LRMDA: variants seen among roughly 807,000 people sequenced by gnomAD.
LRMDA encodes leucine-rich melanocyte differentiation-associated protein.
A neutral mutation model predicts 29.8 loss-of-function variants in LRMDA; 18 were observed. That is an observed-to-expected ratio of 0.60 (90% CI 0.42 to 0.90). The LOEUF is 0.90. LRMDA is among the 40% of genes least tolerant of loss of function. LRMDA has a pLI of 0.00. For missense variants in LRMDA, 273 were observed against 273.9 expected, an observed-to-expected ratio of 1.00 and a Z score of 0.02; for synonymous variants, 125 against 109.4, an observed-to-expected ratio of 1.14 and a Z score of -0.89.
chr10:75,739,525 G>A (rs2132207798), intron 2 of LRMDA, among the ~76,000 whole-genome samples: 1 of 152,292 alleles, frequency 6.6e-6, no homozygotes. Flanking sequence ...CGGAGAGAAT[G>A]GCTACAGCTG....
chr10:76,307,373 G>A (rs1840570444), intron 5 of LRMDA, among the ~76,000 whole-genome samples: 1 of 152,190 alleles, frequency 6.6e-6, no homozygotes, highest in East Asian at 1.9e-4. Context: ...AGATAATGAT[G>A]AGATGTTTTG....
chr10:76,129,188 G>A (rs1296760657), intron 5 of LRMDA, among the ~76,000 whole-genome samples: 1 of 152,064 alleles, frequency 6.6e-6, no homozygotes, highest in Non-Finnish European at 1.5e-5. Context: ...TGAACCCTGG[G>A]CTGCTGGCCC....
intron 5 of LRMDA, chr10:76,270,725 C>T (rs1840058783): frequency 6.6e-6 from 1 of 152,048 alleles, no homozygotes; most frequent in African/African-American, 2.4e-5. Flanking sequence ...CAGCTCAGGG[C>T]AGCATTAAAA....
chr10:76,424,367 A>C (rs775686796), intron 6 of LRMDA, among the ~76,000 whole-genome samples: 15 of 152,180 alleles, frequency 9.9e-5, no homozygotes, highest in Admixed American at 3.3e-4. Context: ...GTCTCTACTA[A>C]AAATACAAAA....
intron 6 of LRMDA, among the ~76,000 whole-genome samples, chr10:76,497,185 T>C (rs12763753): frequency 0.29 from 21,440 of 74,810 alleles, 8,602 homozygotes; most frequent in African/African-American, 0.43. Context: ...CTTCCATGGC[T>C]TTCATCTTTT....
chr10:75,763,093 G>T (rs1158073135), intron 2 of LRMDA, among the ~76,000 whole-genome samples: 3 of 152,008 alleles, frequency 2.0e-5, no homozygotes, highest in Non-Finnish European at 4.4e-5. Flanking sequence ...CAGAGAACAG[G>T]GTGTCTTGGA....
chr10:76,294,677 T>C (rs940743583), intron 5 of LRMDA, among the ~76,000 whole-genome samples: 21 of 152,224 alleles, frequency 1.4e-4, no homozygotes, highest in African/African-American at 4.3e-4. Context: ...GCCTGACACC[T>C]ATCAGACAAA....
intron 6 of LRMDA, among the ~76,000 whole-genome samples, chr10:76,400,920 G>T (rs1841840799): frequency 6.6e-6 from 1 of 152,144 alleles, no homozygotes; most frequent in African/African-American, 2.4e-5. Flanking sequence ...GGGGTTTTGG[G>T]GGAGATTTTG....
At chr10:75,795,321 G>A (rs1192370005) in intron 2 of LRMDA, among the ~76,000 whole-genome samples, 2 of 152,126 alleles carry the variant, frequency 1.3e-5, no homozygotes, top group Non-Finnish European at 2.9e-5. Context: ...TTGAACCTGG[G>A]AGGTGGAGTT....
At chr10:75,995,882 G>A (rs1847453041) in intron 2 of LRMDA, among the ~76,000 whole-genome samples, 1 of 152,144 alleles carries the variant, frequency 6.6e-6, no homozygotes, top group African/African-American at 2.4e-5. Flanking sequence ...GTGTTCAAGA[G>A]TAAACTCTTG....
chr10:76,048,843 G>A (rs1848484542), intron 4 of LRMDA, among the ~76,000 whole-genome samples: 2 of 152,154 alleles, frequency 1.3e-5, no homozygotes, highest in Admixed American at 1.3e-4. Context: ...GGCTTCCAGT[G>A]GGTAGGAGCT....
rs545865722 is a variant in LRMDA at position 76,377,728 on chromosome 10, T to C, written c.601+53243T>C. ...TGTCTGGGTTTTCTGTTCTGTTGCATTGATTGATGTGTCTATTTTTATACC... is the reference window on the plus strand; with the variant it reads ...TGTCTGGGTTTTCTGTTCTGTTGCACTGATTGATGTGTCTATTTTTATACC... On this transcript the variant is annotated intron_variant, in intron 6 of 6. Coordinates refer to ENST00000611255, the MANE Select transcript of LRMDA (RefSeq NM_001305581.2). Among the ~76,000 whole-genome samples the C allele has an allele frequency of 2.6e-4, 40 of 152,346 alleles. 1 individual carries two copies. In the South Asian group the frequency reaches 3.3e-3, roughly 13 times the overall value.
intron 5 of LRMDA, among the ~76,000 whole-genome samples, chr10:76,137,000 T>C (rs952653515): frequency 6.6e-6 from 1 of 152,168 alleles, no homozygotes; most frequent in Non-Finnish European, 1.5e-5. Flanking sequence ...CCTGTACAGC[T>C]CATGTTATTT....
intron 6 of LRMDA, among the ~76,000 whole-genome samples, chr10:76,363,194 G>GAGGGAGGGAGGGAGGA (rs1463141013): frequency 4.9e-5 from 1 of 20,558 alleles, no homozygotes; most frequent in Non-Finnish European, 1.3e-4. Context: ...GGGAGGGAGG[G>GAGGGAGGGAGGGAGGA]AGGGAGGGAG....
intron 2 of LRMDA, among the ~76,000 whole-genome samples, chr10:75,983,711 G>A (rs551335522): frequency 3.3e-5 from 5 of 152,282 alleles, no homozygotes; most frequent in African/African-American, 9.6e-5. Context: ...CTGGAGTGCA[G>A]TGGCACAATC....
chr10:75,482,300 C>T (rs1017420579), intron 2 of LRMDA, among the ~76,000 whole-genome samples: 3 of 152,172 alleles, frequency 2.0e-5, no homozygotes, highest in East Asian at 1.9e-4. Flanking sequence ...CATGAACTCA[C>T]GTGGAGCAGA....
At chr10:76,432,688 C>T (rs1166872576) in intron 6 of LRMDA, among the ~76,000 whole-genome samples, 1 of 152,102 alleles carries the variant, frequency 6.6e-6, no homozygotes. Context: ...TGATCTAGTC[C>T]ATCTTGTTCA....
intron 2 of LRMDA, among the ~76,000 whole-genome samples, chr10:75,662,298 G>T (rs1467377047): frequency 2.6e-5 from 4 of 152,154 alleles, no homozygotes; most frequent in South Asian, 2.1e-4. Context: ...TAGGCTTGGG[G>T]TTTGCATTCT....
At chr10:75,442,827 G>A (rs190740930) in intron 2 of LRMDA, among the ~76,000 whole-genome samples, 1 of 151,800 alleles carries the variant, frequency 6.6e-6, no homozygotes, top group Non-Finnish European at 1.5e-5. Flanking sequence ...ACTGTTGATT[G>A]CTTTAGGTCA....
Sources: allele counts gnomAD v4.1 joint callset (sites outside exome capture counted in the v4.1 genomes callset), GRCh38; gene constraint gnomAD v4.1.1; transcripts MANE v1.5; gene names NCBI Gene and HGNC (gene_info 2026-07-23, HGNC 2026-07-21).